Variants in NME5 observed in about 807,000 individuals in gnomAD.
The protein encoded by NME5 is NME/NM23 family member 5.
In NME5, 18 loss-of-function variants were observed where a neutral mutation model predicts 21.6. The ratio of observed to expected loss-of-function variants is 0.83; its 90% confidence interval spans 0.58 to 1.24. The LOEUF is 1.24. Ranked by LOEUF, NME5 falls within the 50% of genes most tolerant of loss-of-function variation. The pLI is 0.00. For missense variants in NME5, 223 were observed against 255.4 expected, an observed-to-expected ratio of 0.87 and a Z score of 0.86; for synonymous variants, 70 against 80.6, an observed-to-expected ratio of 0.87 and a Z score of 0.71.
In NME5 at chr5:138,128,411, T is replaced by C. The variant is rs1218811123; in HGVS notation, c.436+68A>G. On this transcript the variant is annotated intron_variant, in intron 4 of 5. Coordinates refer to ENST00000265191, the MANE Select transcript of NME5 (RefSeq NM_003551.3). ...TATTTTATCTTCCTTCCCAGCTATA[T>C]CCGCAAAATAAAAGAAAAAGCAAAC... is the stretch of plus-strand genomic sequence containing the variant. The C allele has an allele frequency of 9.5e-6, 11 of 1,160,084 alleles. No homozygotes were observed. In the Middle Eastern group the frequency reaches 7.7e-4, roughly 81 times the overall value. 71.9% of individuals were successfully genotyped at this position (1,160,084 alleles called of 1,614,324 possible). A position where few individuals can be genotyped will look rare whatever the true frequency, so the allele number is the denominator to read the frequency against.
chr5:138,131,791 T>TA (rs1751574816), intron 2 of NME5, among the ~76,000 whole-genome samples: 2 of 151,952 alleles, frequency 1.3e-5, no homozygotes, highest in Non-Finnish European at 2.9e-5. Flanking sequence ...CCAGGCTAGA[T>TA]AGAGTGCAGT....
intron 5 of NME5, among the ~76,000 whole-genome samples, chr5:138,117,920 G>T (rs1271623052): frequency 3.3e-5 from 5 of 151,756 alleles, no homozygotes; most frequent in Non-Finnish European, 5.9e-5. Context: ...GGGGGCGGAG[G>T]TTGCAGTGAG....
chr5:138,125,217 C>T (rs1430194093), intron 4 of NME5, among the ~76,000 whole-genome samples: 2 of 152,292 alleles, frequency 1.3e-5, no homozygotes, highest in East Asian at 3.9e-4. Flanking sequence ...CCACCACACC[C>T]AGACTGTATA....
At chr5:138,131,763 G>A (rs1751574259) in intron 2 of NME5, among the ~76,000 whole-genome samples, 1 of 150,620 alleles carries the variant, frequency 6.6e-6, no homozygotes, top group South Asian at 2.1e-4. Flanking sequence ...TTTTTGAAAC[G>A]GAGTTTTGCT....
At position 138,132,036 on chromosome 5, in the gene NME5, C is replaced by T. The variant is rs572127410; in HGVS notation, c.130-2568G>A. The stretch of plus-strand genomic sequence containing the variant: ...CTGGGATTACAGGTGTGAGCCACCG[C>T]GCCCGGCCTTGAGAGCTTTTAAAAA... On this transcript the variant is annotated intron_variant, in intron 2 of 5. Coordinates refer to ENST00000265191, the MANE Select transcript of NME5 (RefSeq NM_003551.3). Among the ~76,000 whole-genome samples the T allele has an allele frequency of 3.3e-5, 5 of 152,280 alleles. No individual in the cohort carries two copies. The South Asian group carries it at 8.3e-4, about 25-fold the overall frequency.
intron 3 of NME5, 55 bp downstream of exon 3, chr5:138,129,208 T>G: frequency 7.4e-7 from 1 of 1,353,392 alleles, no homozygotes; most frequent in Non-Finnish European, 1.0e-6. Context: ...ATTTTTTTTT[T>G]TCATTTTCAC....
intron 2 of NME5, among the ~76,000 whole-genome samples, chr5:138,135,481 C>T (rs528060966): frequency 4.0e-5 from 6 of 151,656 alleles, no homozygotes; most frequent in Non-Finnish European, 8.8e-5. Context: ...ATTACAGGCA[C>T]GTGCCACCAC....
rs776291058 is a variant in NME5 at position 138,118,935 on chromosome 5, C to T, written c.438G>A (p.Val146=). The change falls in exon 5 of 6, where the codon GTG becomes GTA. Residue 146 remains valine, a splice_region_variant and synonymous_variant. Transcript: ENST00000265191. ...GTCCAATTGGAATGGGCTCAACAAT[C>T]ACTGCAAATACAAATGTATTCTCAT... ...EREIRFMFPE[V]IVEPIPIGQA... is the part of the protein sequence containing the mutation. 19 of 1,508,070 alleles carry T rather than the reference C, an allele frequency of 1.3e-5. No individual in the cohort carries two copies. The East Asian group carries it at 4.1e-4, about 32-fold the overall frequency. The allele number at this position is 1,508,070 out of a possible 1,614,324, so 93.4% of individuals were successfully genotyped here.
At chr5:138,130,279 G>A (rs1432729618) in intron 2 of NME5, among the ~76,000 whole-genome samples, 2 of 151,794 alleles carry the variant, frequency 1.3e-5, no homozygotes, top group African/African-American at 4.8e-5. Context: ...AAAATCAGTC[G>A]GGTGTGGTGG....
chr5:138,127,203 T>A (rs1751445820), intron 4 of NME5, among the ~76,000 whole-genome samples: 1 of 152,134 alleles, frequency 6.6e-6, no homozygotes, highest in Non-Finnish European at 1.5e-5. Flanking sequence ...GGTCTTCCCC[T>A]GGGAGGATGA....
chr5:138,117,670 A>G (rs1188823642), intron 5 of NME5, among the ~76,000 whole-genome samples: 2 of 152,106 alleles, frequency 1.3e-5, no homozygotes, highest in East Asian at 3.8e-4. Flanking sequence ...TGTGTTATCT[A>G]CTAGCATGGC....
chr5:138,137,768 A>G (rs527447077), intron 2 of NME5, among the ~76,000 whole-genome samples: 1 of 151,682 alleles, frequency 6.6e-6, no homozygotes, highest in East Asian at 2.0e-4. Context: ...TGGGAGGCCG[A>G]GGCGGGTGGA....
intron 2 of NME5, among the ~76,000 whole-genome samples, chr5:138,129,936 G>A (rs965482563): frequency 2.0e-5 from 3 of 152,176 alleles, no homozygotes; most frequent in Non-Finnish European, 2.9e-5. Flanking sequence ...CAGCCCGGGC[G>A]ACAGAGAAAA....
chr5:138,124,219 T>A (rs1751350448), intron 4 of NME5, among the ~76,000 whole-genome samples: 1 of 151,796 alleles, frequency 6.6e-6, no homozygotes, highest in African/African-American at 2.4e-5. Flanking sequence ...ACCAGGTTGG[T>A]CTTGAATTCC....
intron 5 of NME5, among the ~76,000 whole-genome samples, chr5:138,117,689 A>G (rs1751191625): frequency 1.3e-5 from 2 of 152,248 alleles, no homozygotes; most frequent in Middle Eastern, 3.4e-3. Context: ...GCTACAAAAA[A>G]AAAGAAAGAT....
intron 2 of NME5, among the ~76,000 whole-genome samples, chr5:138,131,327 G>A (rs936402223): frequency 1.6e-4 from 24 of 151,564 alleles, no homozygotes; most frequent in Non-Finnish European, 5.9e-5. Flanking sequence ...GTTGCAGTGA[G>A]CCAAGATCGT....
At chr5:138,138,313 C>G (rs953222925) in intron 2 of NME5, 1 of 184,096 alleles carries the variant, frequency 5.4e-6, no homozygotes, top group Non-Finnish European at 1.1e-5. Context: ...ATCTGAGGGA[C>G]TCTGTAAAGG....
At chr5:138,120,310 T>C (rs982587619) in intron 4 of NME5, among the ~76,000 whole-genome samples, 1 of 142,902 alleles carries the variant, frequency 7.0e-6, no homozygotes, top group Admixed American at 7.5e-5. Context: ...CTTGGCTCAC[T>C]GCAAGCTCCG....
intron 2 of NME5, among the ~76,000 whole-genome samples, chr5:138,133,864 T>G (rs1046762786): frequency 6.6e-6 from 1 of 152,178 alleles, no homozygotes; most frequent in Non-Finnish European, 1.5e-5. Context: ...TTAGGTAGAG[T>G]GTTTCAGTTT....
Sources: gnomAD v4.1 joint callset for allele counts (sites outside exome capture counted in the v4.1 genomes callset) on GRCh38, gnomAD v4.1.1 for gene constraint, MANE v1.5 for transcripts, NCBI Gene and HGNC (gene_info 2026-07-23, HGNC 2026-07-21) for gene names.